HLCS: variants seen among roughly 807,000 people sequenced by gnomAD.
The protein encoded by HLCS is biotin--protein ligase.
In HLCS, 53 loss-of-function variants were observed where a neutral mutation model predicts 75.0. The ratio of observed to expected loss-of-function variants is 0.71; its 90% confidence interval spans 0.57 to 0.89. HLCS has a LOEUF of 0.89. Among genes scored for constraint, HLCS ranks in the 40% least tolerant of loss-of-function variants. The pLI is 0.00. For missense variants in HLCS, 966 were observed against 1,074.0 expected (o/e 0.90, Z 1.41); for synonymous variants, 431 against 428.6 (o/e 1.01, Z -0.07).
intron 6 of HLCS, among the ~76,000 whole-genome samples, chr21:36,839,357 T>G (rs1219796844): frequency 2.0e-5 from 3 of 146,508 alleles, no homozygotes; most frequent in Admixed American, 1.4e-4. Context: ...AGTCACATGC[T>G]AGGAGGTAGC....
At chr21:36,939,403 C>G (rs146267099) in intron 2 of HLCS, among the ~76,000 whole-genome samples, 61 of 152,234 alleles carry the variant, frequency 4.0e-4, no homozygotes, top group Non-Finnish European at 5.7e-4. Flanking sequence ...AAGTGTGGTC[C>G]GAGACCAAGT....
At chr21:36,760,838 TCTGCCTATCCACTGTGACTCTGAAG>T (rs1181041280) in intron 8 of HLCS, among the ~76,000 whole-genome samples, 6 of 152,226 alleles carry the variant, frequency 3.9e-5, no homozygotes, top group Admixed American at 1.3e-4. Context: ...CACCCAGGCC[TCTGCCTATCCACTGTGACTCTGAAG>T]TTGGGACACA....
intron 6 of HLCS, among the ~76,000 whole-genome samples, chr21:36,862,331 A>G (rs2063407868): frequency 6.6e-6 from 1 of 152,192 alleles, no homozygotes; most frequent in Admixed American, 6.5e-5. Flanking sequence ...GCTGTATCAC[A>G]TGGTTAACTC....
intron 6 of HLCS, among the ~76,000 whole-genome samples, chr21:36,801,777 CCTTT>C (rs1037278499): frequency 2.0e-5 from 3 of 150,392 alleles, no homozygotes; most frequent in Non-Finnish European, 3.0e-5. Flanking sequence ...AGATTGATTT[CCTTT>C]CTTTTTTTTT....
At chr21:36,869,974 C>T (rs2063714413) in intron 6 of HLCS, among the ~76,000 whole-genome samples, 1 of 152,180 alleles carries the variant, frequency 6.6e-6, no homozygotes, top group Non-Finnish European at 1.5e-5. Flanking sequence ...GAGAAAACCA[C>T]CTTTAAAATA....
chr21:36,882,513 T>G (rs2146276680), intron 6 of HLCS, among the ~76,000 whole-genome samples: 1 of 151,912 alleles, frequency 6.6e-6, no homozygotes, highest in South Asian at 2.1e-4. Flanking sequence ...CAATCTCAGC[T>G]CACTGCAACC....
At chr21:36,846,290 TAAAGA>T (rs1165880588) in intron 6 of HLCS, among the ~76,000 whole-genome samples, 1 of 152,182 alleles carries the variant, frequency 6.6e-6, no homozygotes, top group Admixed American at 6.5e-5. Flanking sequence ...GTTGGTTTCC[TAAAGA>T]AAATACACAG....
chr21:36,792,223 C>T (rs1019329603), intron 6 of HLCS, among the ~76,000 whole-genome samples: 1 of 152,092 alleles, frequency 6.6e-6, no homozygotes, highest in Non-Finnish European at 1.5e-5. Context: ...CCGCAGGCTC[C>T]CAGCGCTACG....
chr21:36,962,944 C>T (rs1476809865), intron 1 of HLCS, among the ~76,000 whole-genome samples: 1 of 152,098 alleles, frequency 6.6e-6, no homozygotes, highest in Non-Finnish European at 1.5e-5. Flanking sequence ...TTACACCTTC[C>T]TTATAGTGAA....
In HLCS at chr21:36,841,835, G is replaced by A. The variant is rs138019656; in HGVS notation, c.1892+55025C>T. Among the ~76,000 whole-genome samples, 695 of 152,174 alleles carry A rather than the reference G, an allele frequency of 4.6e-3. 4 individuals carry two copies. The highest frequency in any genetic ancestry group is 0.016 in the African/African-American group (659 of 41,524). ...CAGAAATGCTTGTCATTGATAACAC[G>A]GGGACATCAAGTCAGAGAATTCGAA... On this transcript the variant is annotated intron_variant, in intron 6 of 10. Coordinates refer to ENST00000674895, the MANE Select transcript of HLCS (RefSeq NM_001352514.2).
intron 6 of HLCS, among the ~76,000 whole-genome samples, chr21:36,777,708 G>T (rs76847137): frequency 3.9e-5 from 6 of 152,238 alleles, no homozygotes; most frequent in Admixed American, 6.5e-5. Flanking sequence ...TAAGACTCAG[G>T]GGTGCATTTC....
At chr21:36,980,196 TA>T (rs113653823) in intron 1 of HLCS, among the ~76,000 whole-genome samples, 199 of 139,646 alleles carry the variant, frequency 1.4e-3, no homozygotes, top group Middle Eastern at 3.7e-3. Context: ...TGACTATATT[TA>T]AAAAAAAAAA....
chr21:36,952,855 C>A (rs2067737554), intron 2 of HLCS, among the ~76,000 whole-genome samples: 1 of 148,904 alleles, frequency 6.7e-6, no homozygotes, highest in Non-Finnish European at 1.5e-5. Context: ...TTAATTAAAT[C>A]TTCCTTGGAA....
intron 6 of HLCS, among the ~76,000 whole-genome samples, chr21:36,811,483 A>T (rs577709735): frequency 3.3e-4 from 51 of 152,316 alleles, no homozygotes; most frequent in African/African-American, 1.2e-3. Flanking sequence ...CCAAAGAACG[A>T]GGGGAGTTCG....
At chr21:36,883,708 G>C (rs1302273779) in intron 6 of HLCS, among the ~76,000 whole-genome samples, 2 of 152,144 alleles carry the variant, frequency 1.3e-5, no homozygotes, top group East Asian at 3.8e-4. Flanking sequence ...AGCTGAAGAG[G>C]AGATTAAACC....
chr21:36,971,866 G>A (rs1327060814), intron 1 of HLCS: 1 of 151,778 alleles, frequency 6.6e-6, no homozygotes, highest in Non-Finnish European at 1.5e-5. Flanking sequence ...TGAAATCCAT[G>A]GTTATCCTCA....
intron 6 of HLCS, among the ~76,000 whole-genome samples, chr21:36,825,096 TTATAG>T (rs1359265018): frequency 6.6e-6 from 1 of 152,140 alleles, no homozygotes; most frequent in Non-Finnish European, 1.5e-5. Flanking sequence ...ACTAAGGAAA[TTATAG>T]TATGAGGCCA....
intron 6 of HLCS, among the ~76,000 whole-genome samples, chr21:36,774,036 G>T (rs980956027): frequency 6.6e-6 from 1 of 152,084 alleles, no homozygotes; most frequent in Non-Finnish European, 1.5e-5. Flanking sequence ...GCACAAGATT[G>T]TTTTTTGAAA....
rs1191691491 is a variant in HLCS, at chr21:36,888,432, T to TAAAA, written c.1892+8424_1892+8427dup. ...AATGCGATCCTGCCCCCTTCCCATTTAAAAAAAAAAAAAATATATATATAT... is the reference window on the plus strand; with the variant it reads ...AATGCGATCCTGCCCCCTTCCCATTTAAAAAAAAAAAAAAAAAATATATATATAT... On this transcript the variant is annotated intron_variant, in intron 6 of 10. Transcript: ENST00000674895. Among the ~76,000 whole-genome samples the TAAAA allele has an allele frequency of 6.8e-3, 162 of 23,742 alleles. 5 individuals are homozygous for TAAAA. Among genetic ancestry groups the TAAAA allele is most frequent in the East Asian group, 0.029 (20 of 698 alleles). The allele number at this position is 23,742 out of a possible 152,430, so 15.6% of individuals were successfully genotyped here. A position where few individuals can be genotyped will look rare whatever the true frequency, so the allele number is the denominator to read the frequency against.
Sources: allele counts gnomAD v4.1 joint callset (sites outside exome capture counted in the v4.1 genomes callset), GRCh38; gene constraint gnomAD v4.1.1; transcripts MANE v1.5; gene names NCBI Gene and HGNC (gene_info 2026-07-23, HGNC 2026-07-21).